Variants in RPTOR observed in about 807,000 individuals in gnomAD.
RPTOR encodes the protein regulatory-associated protein of mTOR.
A neutral mutation model predicts 169.9 loss-of-function variants in RPTOR; 21 were observed. The observed-to-expected ratio is 0.12, with a 90% CI of 0.09 to 0.18. RPTOR has a LOEUF of 0.18. Among genes scored for constraint, RPTOR ranks in the 10% least tolerant of loss-of-function variants. RPTOR has a pLI of 1.00. For synonymous variants in RPTOR, 732 were observed against 753.2 expected, an observed-to-expected ratio of 0.97 and a Z score of 0.46; for missense variants, 1,133 against 1,855.9, an observed-to-expected ratio of 0.61 and a Z score of 7.16.
At chr17:80,657,299 G>A (rs2065687346) in intron 3 of RPTOR, among the ~76,000 whole-genome samples, 1 of 152,142 alleles carries the variant, frequency 6.6e-6, no homozygotes, top group Admixed American at 6.5e-5. Context: ...AGCTTTGCAA[G>A]GTAAACCTTG....
In RPTOR at chr17:80,646,202, G is replaced by A. The variant is rs1238125651; in HGVS notation, c.348+2392G>A. Among the ~76,000 whole-genome samples, 3 of 152,088 alleles carry A rather than the reference G, an allele frequency of 2.0e-5. No homozygotes were observed. The highest frequency in any genetic ancestry group is 2.1e-4 in the South Asian group (1 of 4,820). On this transcript the variant is annotated intron_variant, in intron 3 of 33. Transcript: ENST00000306801. The surrounding 1 kb of genome is among the most constrained non-coding windows in gnomAD (Gnocchi z 5.0). ...AATGGACACCTAATATTTGCTTTTC[G>A]AATGCCAACACCATTGCATTCATTT... is the stretch of plus-strand genomic sequence containing the variant.
At chr17:80,807,605 G>A (rs12936474) in intron 7 of RPTOR, among the ~76,000 whole-genome samples, 15 of 152,112 alleles carry the variant, frequency 9.9e-5, no homozygotes, top group Non-Finnish European at 1.8e-4. Flanking sequence ...GCCCACCTTG[G>A]CTTCCCAAAG....
At chr17:80,760,893 G>A (rs2066730731) in intron 6 of RPTOR, among the ~76,000 whole-genome samples, 1 of 152,186 alleles carries the variant, frequency 6.6e-6, no homozygotes, top group Non-Finnish European at 1.5e-5. Context: ...ATACAGCTTT[G>A]CTTCATTTGG....
chr17:80,895,655 G>GTGAACGGTGCC (rs2143886223), intron 20 of RPTOR, among the ~76,000 whole-genome samples: 1 of 152,340 alleles, frequency 6.6e-6, no homozygotes, highest in South Asian at 2.1e-4. Flanking sequence ...AAGCTGCTGC[G>GTGAACGGTGCC]TGAACGGTGC....
At chr17:80,663,983 C>T (rs2065744253) in intron 3 of RPTOR, among the ~76,000 whole-genome samples, 1 of 152,116 alleles carries the variant, frequency 6.6e-6, no homozygotes, top group African/African-American at 2.4e-5. Context: ...GTGACAGCCG[C>T]GTGGGCATTT....
intron 13 of RPTOR, 65 bp from the exon 14 acceptor site, chr17:80,880,350 T>TGAG: frequency 7.4e-7 from 1 of 1,354,322 alleles, no homozygotes; most frequent in South Asian, 1.2e-5. Flanking sequence ...TCACGCACCA[T>TGAG]GAGAAGCTTG....
chr17:80,627,773 A>G (rs1438647020), intron 2 of RPTOR, among the ~76,000 whole-genome samples: 1 of 151,908 alleles, frequency 6.6e-6, no homozygotes, highest in Non-Finnish European at 1.5e-5. Flanking sequence ...TTGTGTGGAC[A>G]TATTTTCTCT....
chr17:80,885,494 C>T (rs1451202756), intron 17 of RPTOR, among the ~76,000 whole-genome samples: 1 of 152,130 alleles, frequency 6.6e-6, no homozygotes, highest in Non-Finnish European at 1.5e-5. Flanking sequence ...TCCCCCCCAA[C>T]ACCCCATGTA....
chr17:80,682,812 A>AC (rs1397752662), intron 3 of RPTOR, among the ~76,000 whole-genome samples: 1 of 152,120 alleles, frequency 6.6e-6, no homozygotes, highest in Non-Finnish European at 1.5e-5. Context: ...CTTAAAAAAA[A>AC]GAAAAATAGC....
intron 20 of RPTOR, among the ~76,000 whole-genome samples, chr17:80,904,027 T>C (rs1219445411): frequency 6.6e-6 from 1 of 152,264 alleles, no homozygotes; most frequent in Admixed American, 6.5e-5. Context: ...GATGTTTGTC[T>C]CGTAGGGGTA....
intron 9 of RPTOR, among the ~76,000 whole-genome samples, chr17:80,837,252 C>T (rs1490089371): frequency 2.0e-5 from 3 of 152,122 alleles, no homozygotes; most frequent in Non-Finnish European, 4.4e-5. Context: ...CAGCTCTATG[C>T]ATGGTAGGAG....
chr17:80,826,075 C>T (rs779202524), intron 9 of RPTOR, among the ~76,000 whole-genome samples: 5 of 152,070 alleles, frequency 3.3e-5, no homozygotes, highest in South Asian at 2.1e-4. Context: ...CTGCATTCTG[C>T]GTTGGTTGTC....
chr17:80,810,869 G>C (rs2067265531), intron 7 of RPTOR, among the ~76,000 whole-genome samples: 1 of 152,154 alleles, frequency 6.6e-6, no homozygotes, highest in African/African-American at 2.4e-5. Flanking sequence ...ATTAATGTCA[G>C]TTTAAAAATT....
intron 2 of RPTOR, among the ~76,000 whole-genome samples, chr17:80,634,520 CGTACTGTGTGCATGT>C (rs2065479216): frequency 1.0e-5 from 1 of 96,610 alleles, no homozygotes; most frequent in African/African-American, 4.3e-5. Flanking sequence ...TGTGTGTGTG[CGTACTGTGTGCATGT>C]GCGTACTGTG....
Position 80,562,069 on chromosome 17 carries a change from G to A in RPTOR, c.162+16278G>A, listed in dbSNP as rs2084505599. Among the ~76,000 whole-genome samples the A allele has an allele frequency of 6.6e-6, 1 of 151,940 alleles. No homozygotes were observed. Among genetic ancestry groups the A allele is most frequent in the African/African-American group, 2.4e-5 (1 of 41,234 alleles). On this transcript the variant is annotated intron_variant, in intron 1 of 33. Transcript: ENST00000306801. The surrounding 1 kb of genome is among the most constrained non-coding windows in gnomAD (Gnocchi z 4.4). ...GTGTGGGGTGGGGAGTCTCTTGAGGGTAGGAGGAGATGAGGGTCTGGTGGC... is the reference window on the plus strand; with the variant it reads ...GTGTGGGGTGGGGAGTCTCTTGAGGATAGGAGGAGATGAGGGTCTGGTGGC...
At chr17:80,841,634 ACACT>A (rs1270695728) in intron 10 of RPTOR, among the ~76,000 whole-genome samples, 8 of 126,482 alleles carry the variant, frequency 6.3e-5, no homozygotes, top group East Asian at 2.6e-4. Flanking sequence ...AGGGCAGCTG[ACACT>A]CACCACACGG....
rs1207666391 is a variant in RPTOR, at chr17:80,878,979, C to T, written c.1510-1436C>T. Among the ~76,000 whole-genome samples the T allele has an allele frequency of 2.0e-5, 3 of 152,152 alleles. No homozygotes were observed. Among genetic ancestry groups the T allele is most frequent in the South Asian group, 2.1e-4 (1 of 4,816 alleles). On this transcript the variant is annotated intron_variant, in intron 13 of 33. Coordinates refer to ENST00000306801, the MANE Select transcript of RPTOR (RefSeq NM_020761.3). The surrounding 1 kb of genome is among the most constrained non-coding windows in gnomAD (Gnocchi z 4.1). Reference sequence around the variant, plus strand: ...CCGTCCCTCCTCCTTCCCCAGGCCCCGTCCCCCGCCTTGCCCTCTGAAAGT... The same window carrying T: ...CCGTCCCTCCTCCTTCCCCAGGCCCTGTCCCCCGCCTTGCCCTCTGAAAGT...
chr17:80,594,219 G>A (rs1467993269), intron 1 of RPTOR, among the ~76,000 whole-genome samples: 8 of 151,970 alleles, frequency 5.3e-5, no homozygotes, highest in Non-Finnish European at 1.2e-4. Flanking sequence ...TCAGCCTCCC[G>A]AGTAGCTGGG....
chr17:80,768,460 C>T (rs59920425), intron 6 of RPTOR, among the ~76,000 whole-genome samples: 23 of 152,056 alleles, frequency 1.5e-4, no homozygotes, highest in African/African-American at 5.3e-4. Context: ...TAAGACTGTG[C>T]AGTTCAGCCC....
Sources: gnomAD v4.1 joint callset for allele counts (sites outside exome capture counted in the v4.1 genomes callset) on GRCh38, gnomAD v4.1.1 for gene constraint, Gnocchi (gnomAD v3.1) non-coding constraint, MANE v1.5 for transcripts, NCBI Gene and HGNC (gene_info 2026-07-23, HGNC 2026-07-21) for gene names.